The following ZBTB16 variants were observed in gnomAD, a reference collection of about 807,000 sequenced individuals.
ZBTB16 encodes the protein zinc finger and BTB domain-containing protein 16.
ZBTB16 carries 8 observed loss-of-function variants against 56.8 expected under a neutral mutation model. That is an observed-to-expected ratio of 0.14 (90% CI 0.08 to 0.25). The LOEUF is 0.25. ZBTB16 is among the 10% of genes least tolerant of loss of function. The probability of loss-of-function intolerance (pLI) is 1.00; values close to 1 mark genes in which losing one functional copy is unlikely to be tolerated. For missense variants in ZBTB16, 625 were observed against 903.0 expected (o/e 0.69, Z 3.95); for synonymous variants, 363 against 368.5 (o/e 0.98, Z 0.17).
At chr11:114,088,343 T>C (rs188945914) in intron 2 of ZBTB16, among the ~76,000 whole-genome samples, 1 of 152,088 alleles carries the variant, frequency 6.6e-6, no homozygotes, top group Non-Finnish European at 1.5e-5. Flanking sequence ...GGTTTCGCCA[T>C]GCTGGCCAGG....
In ZBTB16 at chr11:114,237,603, T is replaced by G. The variant is rs116601503; in HGVS notation, c.1454-4564T>G. ...TGCTAATACAATTTTCTAGATAATT[T>G]TATTTCCATAGTCCCACATTTTAAT... On this transcript the variant is annotated intron_variant, in intron 4 of 6. Transcript: ENST00000335953. 4.2e-3 allele frequency among the ~76,000 whole-genome samples: 642 copies of G among 152,326 alleles called. 7 individuals carry two copies. The highest frequency in any genetic ancestry group is 0.015 in the African/African-American group (610 of 41,560).
intron 3 of ZBTB16, among the ~76,000 whole-genome samples, chr11:114,162,302 A>G (rs1015332543): frequency 2.6e-4 from 39 of 152,154 alleles, no homozygotes; most frequent in African/African-American, 9.2e-4. Context: ...TTATTTATTT[A>G]TTCTTTTTTG....
chr11:114,127,216 C>T, intron 2 of ZBTB16, among the ~76,000 whole-genome samples: 1 of 152,138 alleles, frequency 6.6e-6, no homozygotes, highest in East Asian at 1.9e-4. Context: ...GTGATGTGCC[C>T]TCCTGGTGCA....
At chr11:114,088,159 T>G (rs972077192) in intron 2 of ZBTB16, among the ~76,000 whole-genome samples, 17 of 150,642 alleles carry the variant, frequency 1.1e-4, no homozygotes, top group African/African-American at 3.9e-4. Flanking sequence ...TTTTTTTTTT[T>G]GATACAGAGT....
intron 2 of ZBTB16, among the ~76,000 whole-genome samples, chr11:114,078,138 T>G (rs1224248488): frequency 6.6e-6 from 1 of 152,194 alleles, no homozygotes; most frequent in Non-Finnish European, 1.5e-5. Context: ...CAGCTGCATT[T>G]ATCATACGGT....
chr11:114,138,942 C>G (rs1941872521), intron 2 of ZBTB16, among the ~76,000 whole-genome samples: 2 of 152,174 alleles, frequency 1.3e-5, no homozygotes, highest in Non-Finnish European at 2.9e-5. Context: ...CCACCCGCTT[C>G]TGCCTCCCAA....
intron 4 of ZBTB16, among the ~76,000 whole-genome samples, chr11:114,226,849 G>A (rs536642639): frequency 4.5e-4 from 69 of 152,302 alleles, no homozygotes; most frequent in Admixed American, 3.3e-3. Context: ...GGAAATGCTA[G>A]TGGGCAATGT....
intron 4 of ZBTB16, among the ~76,000 whole-genome samples, chr11:114,209,218 G>A (rs1193331335): frequency 6.6e-6 from 1 of 152,212 alleles, no homozygotes; most frequent in Non-Finnish European, 1.5e-5. Flanking sequence ...GGAAGCAGGA[G>A]GAGGAGACAC....
chr11:114,242,190 C>T lies in ZBTB16; in HGVS notation c.1477C>T (p.Leu493=), dbSNP rs375570317. The change falls in exon 5 of 7, where the codon CTG becomes TTG. Residue 493 remains leucine (L), a synonymous_variant. Transcript: ENST00000335953. ...AGGCACTGACATGGCCGTCTTCTGT[C>T]TGCTGTGTGGGAAGCGCTTCCAGGC... ...HTGTDMAVFC[L]LCGKRFQAQS... is the part of the protein sequence containing the mutation. 7 of 1,613,800 alleles carry T rather than the reference C, an allele frequency of 4.3e-6. No individual in the cohort carries two copies. In the East Asian group the frequency reaches 1.6e-4, roughly 36 times the overall value.
intron 2 of ZBTB16, among the ~76,000 whole-genome samples, chr11:114,077,296 A>C (rs938311577): frequency 2.6e-5 from 4 of 151,610 alleles, no homozygotes; most frequent in African/African-American, 4.9e-5. Context: ...ACTTGGAGCC[A>C]CTCTCCTCTT....
chr11:114,115,928 G>A (rs758587159), intron 2 of ZBTB16, among the ~76,000 whole-genome samples: 32 of 152,134 alleles, frequency 2.1e-4, no homozygotes, highest in Non-Finnish European at 3.4e-4. Context: ...TCACATTTTC[G>A]TGCAGAGCCA....
intron 2 of ZBTB16, among the ~76,000 whole-genome samples, chr11:114,106,731 C>A (rs1358998222): frequency 6.6e-6 from 1 of 152,156 alleles, no homozygotes; most frequent in Non-Finnish European, 1.5e-5. Flanking sequence ...ACCTCAGCCG[C>A]CCAAAGTGCC....
At chr11:114,191,233 A>G (rs1421155797) in intron 4 of ZBTB16, among the ~76,000 whole-genome samples, 1 of 152,220 alleles carries the variant, frequency 6.6e-6, no homozygotes, top group African/African-American at 2.4e-5. Flanking sequence ...CAAATATCCA[A>G]ACTATATTAC....
At chr11:114,157,751 T>C (rs1232351062) in intron 3 of ZBTB16, among the ~76,000 whole-genome samples, 1 of 152,144 alleles carries the variant, frequency 6.6e-6, no homozygotes, top group Non-Finnish European at 1.5e-5. Context: ...GCGTCCTAAC[T>C]CCTTCTCACT....
chr11:114,108,782 G>C (rs1160186888), intron 2 of ZBTB16, among the ~76,000 whole-genome samples: 1 of 152,236 alleles, frequency 6.6e-6, no homozygotes, highest in Non-Finnish European at 1.5e-5. Flanking sequence ...GTTCAAAGAG[G>C]TTAGATGTTC....
Position 114,064,467 on chromosome 11 carries a change from G to T in ZBTB16, c.1167G>T (p.Gly389=), listed in dbSNP as rs1361087187. The part of the protein sequence containing the change: ...FIQRELFSKL[G]ELAVGMKSES... ...AGAGGGAGCTGTTCAGCAAGCTGGG[G>T]GAGCTGGCTGTGGGCATGAAGTCAG... The change falls in exon 2 of 7, where the codon GGG becomes GGT. Residue 389 remains glycine (G), a synonymous_variant. Coordinates refer to ENST00000335953, the MANE Select transcript of ZBTB16 (RefSeq NM_006006.6). The surrounding 1 kb of genome is among the most constrained non-coding windows in gnomAD (Gnocchi z 4.2). 9 of 1,614,036 alleles carry T rather than the reference G, an allele frequency of 5.6e-6. No individual in the cohort carries two copies. Among genetic ancestry groups the T allele is most frequent in the Admixed American group, 1.7e-5 (1 of 60,008 alleles).
At chr11:114,119,352 G>A (rs1327811339) in intron 2 of ZBTB16, among the ~76,000 whole-genome samples, 4 of 149,112 alleles carry the variant, frequency 2.7e-5, no homozygotes, top group Non-Finnish European at 5.9e-5. Flanking sequence ...GTGTGCGCGC[G>A]TGTGTGTGTG....
At chr11:114,180,697 C>T (rs114370487) in intron 3 of ZBTB16, 2,886 of 152,346 alleles carry the variant, frequency 0.019, 78 homozygotes, top group African/African-American at 0.061. Context: ...GTGGCCATTG[C>T]GCCCTTCCCA....
At chr11:114,076,058 C>T (rs1057304932) in intron 2 of ZBTB16, among the ~76,000 whole-genome samples, 2 of 152,028 alleles carry the variant, frequency 1.3e-5, no homozygotes, top group East Asian at 1.9e-4. Context: ...CTGTTGCTGC[C>T]GCTGCCGTTT....
Sources: gnomAD v4.1 joint callset for allele counts (sites outside exome capture counted in the v4.1 genomes callset) on GRCh38, gnomAD v4.1.1 for gene constraint, Gnocchi (gnomAD v3.1) non-coding constraint, MANE v1.5 for transcripts, NCBI Gene and HGNC (gene_info 2026-07-23, HGNC 2026-07-21) for gene names.